Variants in DAB1 observed in about 807,000 individuals in gnomAD.
DAB1 encodes DAB adaptor protein 1, also known as disabled homolog 1.
DAB1 carries 15 observed loss-of-function variants against 64.6 expected under a neutral mutation model. That is an observed-to-expected ratio of 0.23 (90% CI 0.16 to 0.36). The LOEUF is 0.36. Ranked by LOEUF, DAB1 falls within the 10% of genes least tolerant of loss-of-function variation. The pLI is 1.00. For synonymous variants in DAB1, 235 were observed against 251.9 expected, an observed-to-expected ratio of 0.93 and a Z score of 0.64; for missense variants, 596 against 706.7, an observed-to-expected ratio of 0.84 and a Z score of 1.78.
At chr1:58,203,099 C>A (rs1658086629) in intron 4 of DAB1, among the ~76,000 whole-genome samples, 1 of 152,142 alleles carries the variant, frequency 6.6e-6, no homozygotes, top group Non-Finnish European at 1.5e-5. Flanking sequence ...AGTTTAAAAT[C>A]ATGATGCAGA....
chr1:57,101,186 C>A (rs1234558914), intron 4 of DAB1, among the ~76,000 whole-genome samples: 1 of 152,116 alleles, frequency 6.6e-6, no homozygotes, highest in Non-Finnish European at 1.5e-5. Context: ...AAATCAGACC[C>A]AAACACAAGA....
intron 6 of DAB1, among the ~76,000 whole-genome samples, chr1:57,723,980 T>C (rs1457729209): frequency 6.6e-6 from 1 of 152,176 alleles, no homozygotes; most frequent in South Asian, 2.1e-4. Flanking sequence ...TCTTTCTGCC[T>C]GTTTTTCTGC....
chr1:57,935,081 G>A (rs1645006461), intron 5 of DAB1, among the ~76,000 whole-genome samples: 1 of 152,180 alleles, frequency 6.6e-6, no homozygotes, highest in South Asian at 2.1e-4. Context: ...CCTGCCACCA[G>A]TTTAAGCCCT....
At chr1:58,341,824 T>G (rs540003873) in intron 4 of DAB1, among the ~76,000 whole-genome samples, 2 of 152,332 alleles carry the variant, frequency 1.3e-5, no homozygotes, top group East Asian at 1.9e-4. Context: ...TGCGGGCAGA[T>G]AGTTAATGAT....
intron 2 of DAB1, among the ~76,000 whole-genome samples, chr1:57,189,680 T>C (rs1320324096): frequency 1.3e-5 from 2 of 152,024 alleles, no homozygotes; most frequent in Non-Finnish European, 2.9e-5. Context: ...TGGTTAGGCC[T>C]ATGGACCAAC....
At chr1:57,066,931 T>A (rs531486773) in intron 8 of DAB1, among the ~76,000 whole-genome samples, 16 of 152,226 alleles carry the variant, frequency 1.1e-4, no homozygotes, top group African/African-American at 3.9e-4. Context: ...GAATAAAAGC[T>A]GAGACCACTG....
At chr1:57,941,636 A>G (rs1645106765) in intron 5 of DAB1, among the ~76,000 whole-genome samples, 1 of 152,200 alleles carries the variant, frequency 6.6e-6, no homozygotes, top group South Asian at 2.1e-4. Flanking sequence ...GGAGATCGAG[A>G]CCATCCTGGC....
intron 5 of DAB1, among the ~76,000 whole-genome samples, chr1:58,139,131 A>G (rs1229989905): frequency 1.3e-5 from 2 of 152,270 alleles, no homozygotes; most frequent in South Asian, 4.1e-4. Flanking sequence ...GAGAGACCAG[A>G]GCACGAAAAC....
intron 12 of DAB1, among the ~76,000 whole-genome samples, chr1:57,014,062 A>G (rs1646347105): frequency 6.6e-6 from 1 of 152,252 alleles, no homozygotes; most frequent in Non-Finnish European, 1.5e-5. Context: ...ACATGTGCTA[A>G]TAATGAGGAT....
chr1:58,018,151 C>A (rs1023922429), intron 5 of DAB1, among the ~76,000 whole-genome samples: 2 of 151,824 alleles, frequency 1.3e-5, no homozygotes, highest in Non-Finnish European at 2.9e-5. Flanking sequence ...CACTCACGTT[C>A]CCTCACTCTC....
intron 3 of DAB1, among the ~76,000 whole-genome samples, chr1:58,397,441 C>CA (rs1470744249): frequency 7.2e-5 from 11 of 152,194 alleles, no homozygotes; most frequent in African/African-American, 2.7e-4. Context: ...GTCACATACT[C>CA]CAGGGCTCAG....
chr1:57,978,807 T>A lies in DAB1; in HGVS notation n.388-94645A>T, dbSNP rs1026169863. ...AAGACATTTATGCAGCCAGCAGACA[T>A]ATGAAAAATGCTCATCATCACTGGT... On this transcript the variant is annotated intron_variant and non_coding_transcript_variant, in intron 5 of 20. Coordinates refer to the DAB1 transcript ENST00000485760. Among the ~76,000 whole-genome samples the A allele has an allele frequency of 2.6e-5, 4 of 152,114 alleles. No homozygotes were observed. The South Asian group carries it at 8.3e-4, about 31-fold the overall frequency.
chr1:58,192,649 A>G (rs1657449575), intron 4 of DAB1, among the ~76,000 whole-genome samples: 1 of 152,028 alleles, frequency 6.6e-6, no homozygotes, highest in African/African-American at 2.4e-5. Context: ...GTATGTGTAT[A>G]TATGTATATA....
chr1:57,061,863 T>C (rs1021302949), intron 9 of DAB1, among the ~76,000 whole-genome samples: 14 of 152,152 alleles, frequency 9.2e-5, no homozygotes, highest in Admixed American at 5.2e-4. Flanking sequence ...GATTTTAGCC[T>C]CACAACAGCT....
intron 1 of DAB1, among the ~76,000 whole-genome samples, chr1:57,843,542 G>C (rs933227037): frequency 2.0e-5 from 3 of 152,072 alleles, no homozygotes; most frequent in South Asian, 2.1e-4. Context: ...AATATTTGCT[G>C]GTTTCCTTCC....
chr1:57,014,444 C>A (rs1311662986), intron 12 of DAB1, among the ~76,000 whole-genome samples: 1 of 152,162 alleles, frequency 6.6e-6, no homozygotes, highest in Non-Finnish European at 1.5e-5. Flanking sequence ...CATTTTATTT[C>A]AATAAGCCAC....
chr1:57,003,547 T>C (rs1645951244), intron 14 of DAB1, among the ~76,000 whole-genome samples: 1 of 152,094 alleles, frequency 6.6e-6, no homozygotes, highest in Admixed American at 6.6e-5. Context: ...ATAAACAACA[T>C]AACCTTTGCC....
At chr1:58,107,601 T>C (rs988791244) in intron 5 of DAB1, among the ~76,000 whole-genome samples, 1 of 151,890 alleles carries the variant, frequency 6.6e-6, no homozygotes, top group Admixed American at 6.6e-5. Flanking sequence ...CATGTTTTTT[T>C]TCTGTTTTTG....
chr1:57,807,365 A>G (rs1267401830), intron 6 of DAB1, among the ~76,000 whole-genome samples: 2 of 152,148 alleles, frequency 1.3e-5, no homozygotes, highest in African/African-American at 4.8e-5. Context: ...AGAGCAGAAA[A>G]GTCACAGTGA....
Sources: gnomAD v4.1 joint callset for allele counts (sites outside exome capture counted in the v4.1 genomes callset) on GRCh38, gnomAD v4.1.1 for gene constraint, MANE v1.5 for transcripts, NCBI Gene and HGNC (gene_info 2026-07-23, HGNC 2026-07-21) for gene names.